The following CCDC60 variants were observed in gnomAD, a reference collection of about 807,000 sequenced individuals.
CCDC60 encodes coiled-coil domain containing 60, also known as coiled-coil domain-containing protein 60.
CCDC60 carries 54 observed loss-of-function variants against 63.5 expected under a neutral mutation model. The observed-to-expected ratio is 0.85, with a 90% CI of 0.68 to 1.07. The LOEUF is 1.07. CCDC60 is among the 50% of genes least tolerant of loss of function. CCDC60 has a pLI of 0.00. For synonymous variants in CCDC60, 206 were observed against 238.8 expected, an observed-to-expected ratio of 0.86 and a Z score of 1.27; for missense variants, 651 against 684.3, an observed-to-expected ratio of 0.95 and a Z score of 0.54.
intron 1 of CCDC60, among the ~76,000 whole-genome samples, chr12:119,411,700 C>T (rs1041208466): frequency 3.3e-5 from 5 of 151,920 alleles, no homozygotes; most frequent in South Asian, 2.1e-4. Flanking sequence ...ATGACCTTCT[C>T]GGGAGAGAAA....
chr12:119,378,916 C>T (rs1955981549), intron 1 of CCDC60, among the ~76,000 whole-genome samples: 1 of 152,180 alleles, frequency 6.6e-6, no homozygotes, highest in Non-Finnish European at 1.5e-5. Context: ...GGGTAAGCCA[C>T]CCATCTAAGA....
intron 2 of CCDC60, among the ~76,000 whole-genome samples, chr12:119,451,700 C>A (rs143003992): frequency 1.3e-5 from 2 of 152,276 alleles, no homozygotes; most frequent in Non-Finnish European, 2.9e-5. Context: ...CAGCATGGCA[C>A]AGCACCTTTT....
intron 1 of CCDC60, among the ~76,000 whole-genome samples, chr12:119,354,295 T>C (rs533220764): frequency 6.6e-6 from 1 of 152,314 alleles, no homozygotes; most frequent in South Asian, 2.1e-4. Context: ...TTCAGACCAA[T>C]TGCTAGGCAA....
chr12:119,445,433 CAA>C (rs58415660), intron 2 of CCDC60, among the ~76,000 whole-genome samples: 457 of 27,146 alleles, frequency 0.017, 1 homozygote, highest in Non-Finnish European at 0.024. Context: ...GACTCCATCT[CAA>C]AAAAAAAAAA....
At chr12:119,382,768 C>A (rs1469856553) in intron 1 of CCDC60, among the ~76,000 whole-genome samples, 2 of 152,146 alleles carry the variant, frequency 1.3e-5, no homozygotes, top group African/African-American at 4.8e-5. Context: ...GCCATGGACG[C>A]ATTCTACACA....
intron 2 of CCDC60, among the ~76,000 whole-genome samples, chr12:119,458,730 G>GTTTTGTTTTTGTTTTTGTTTTTGT (rs571350129): frequency 5.5e-4 from 84 of 151,390 alleles, no homozygotes; most frequent in Middle Eastern, 3.4e-3. Context: ...AGAGAGATTT[G>GTTTTGTTTTTGTTTTTGTTTTTGT]TTTTGTTTTT....
chr12:119,478,361 C>A (rs74790842), intron 3 of CCDC60, among the ~76,000 whole-genome samples: 15 of 19,618 alleles, frequency 7.6e-4, no homozygotes, highest in African/African-American at 2.5e-3. Context: ...ACAACAACCA[C>A]CCCCCCCCAA....
At chr12:119,445,741 G>C (rs1261699941) in intron 2 of CCDC60, among the ~76,000 whole-genome samples, 1 of 152,052 alleles carries the variant, frequency 6.6e-6, no homozygotes, top group African/African-American at 2.4e-5. Flanking sequence ...GTGTTTCCTG[G>C]AATACTACTC....
At chr12:119,433,666 T>G (rs1374174659) in intron 2 of CCDC60, 2 of 689,586 alleles carry the variant, frequency 2.9e-6, no homozygotes, top group South Asian at 3.1e-5. Flanking sequence ...CATTGTTTCT[T>G]AACTTTGTTT....
chr12:119,391,271 G>A (rs1490857511), intron 1 of CCDC60, among the ~76,000 whole-genome samples: 2 of 152,190 alleles, frequency 1.3e-5, no homozygotes, highest in Admixed American at 1.3e-4. Flanking sequence ...ATGTGTATGT[G>A]TGTGTGTGTC....
At chr12:119,377,049 G>A (rs1955957947) in intron 1 of CCDC60, among the ~76,000 whole-genome samples, 1 of 152,036 alleles carries the variant, frequency 6.6e-6, no homozygotes, top group Non-Finnish European at 1.5e-5. Flanking sequence ...GAGGCCAGGA[G>A]TTCGAGACCA....
chr12:119,535,426 C>A (rs1322569741), intron 13 of CCDC60, among the ~76,000 whole-genome samples: 1 of 152,142 alleles, frequency 6.6e-6, no homozygotes, highest in Non-Finnish European at 1.5e-5. Context: ...CAGTTCTGCT[C>A]TAATCTTAGT....
intron 4 of CCDC60, among the ~76,000 whole-genome samples, chr12:119,486,224 T>C (rs1156781222): frequency 6.6e-6 from 1 of 152,128 alleles, no homozygotes. Context: ...GAAGGTGTTA[T>C]GGGAGAAGAA....
At chr12:119,504,999 C>T (rs765214996) in intron 6 of CCDC60, 70 bp from the exon 7 acceptor site, 39 of 1,216,036 alleles carry the variant, frequency 3.2e-5, no homozygotes, top group Admixed American at 6.4e-5. Flanking sequence ...TCCTCCTTCC[C>T]TCCTTTCTTT....
In CCDC60 at chr12:119,456,044, AAAG is replaced by A. The variant is rs1950738128; in HGVS notation, c.171-15947_171-15945del. The stretch of plus-strand genomic sequence containing the variant: ...GAAAGAAAGAAAGAAAGAAAGAAAG[AAAG>A]AAAGAAAGAAAGAAAGCAAGCAAGC... On this transcript the variant is annotated intron_variant, in intron 2 of 13. Transcript: ENST00000327554. This position sits in a 1 kb window ranked among gnomAD's most constrained non-coding sequence, Gnocchi z 4.6. 7.4e-6 allele frequency among the ~76,000 whole-genome samples: 1 copy of A among 135,374 alleles called. No individual in the cohort carries two copies. Among genetic ancestry groups the A allele is most frequent in the African/African-American group, 2.6e-5 (1 of 38,532 alleles). 88.8% of individuals were successfully genotyped at this position (135,374 alleles called of 152,430 possible).
intron 2 of CCDC60, among the ~76,000 whole-genome samples, chr12:119,448,696 G>A (rs1008644250): frequency 3.3e-5 from 5 of 151,766 alleles, no homozygotes; most frequent in Admixed American, 1.3e-4. Context: ...TGGAAGAGGC[G>A]CATTAGGTTC....
intron 2 of CCDC60, among the ~76,000 whole-genome samples, chr12:119,453,798 G>A (rs1950676722): frequency 6.6e-6 from 1 of 152,042 alleles, no homozygotes; most frequent in African/African-American, 2.4e-5. Context: ...AGAGGAGAGG[G>A]AAGGGAAGAG....
At chr12:119,457,422 T>C (rs1950768446) in intron 2 of CCDC60, among the ~76,000 whole-genome samples, 1 of 152,228 alleles carries the variant, frequency 6.6e-6, no homozygotes, top group Non-Finnish European at 1.5e-5. Context: ...AAATCCTGAC[T>C]CAGCAAATTT....
In CCDC60 at chr12:119,540,874, T is replaced by C. The variant is rs1953144139; in HGVS notation, c.*159T>C. The C allele has an allele frequency of 1.8e-6, 1 of 570,970 alleles. No individual in the cohort carries two copies. The highest frequency in any genetic ancestry group is 3.1e-6 in the Non-Finnish European group (1 of 326,444). 35.4% of individuals were successfully genotyped at this position (570,970 alleles called of 1,614,324 possible). ...ATCTGGAGACTGACTTCCAGCAACA[T>C]TTTTAGAGGGGGATGGCCCCGGTGG... On this transcript the variant is annotated 3_prime_UTR_variant, in exon 14 of 14. Coordinates refer to ENST00000327554, the MANE Select transcript of CCDC60 (RefSeq NM_178499.5).
Sources: allele counts gnomAD v4.1 joint callset (sites outside exome capture counted in the v4.1 genomes callset), GRCh38; gene constraint gnomAD v4.1.1; non-coding constraint Gnocchi (gnomAD v3.1); transcripts MANE v1.5; gene names NCBI Gene and HGNC (gene_info 2026-07-23, HGNC 2026-07-21).